The following JAKMIP2 variants were observed in gnomAD, a reference collection of about 807,000 sequenced individuals.
JAKMIP2 encodes the protein janus kinase and microtubule interacting protein 2.
In JAKMIP2, 25 loss-of-function variants were observed where a neutral mutation model predicts 115.0. That is an observed-to-expected ratio of 0.22 (90% confidence interval 0.16 to 0.30). The LOEUF is 0.30. JAKMIP2 is among the 10% of genes least tolerant of loss of function. JAKMIP2 has a pLI of 1.00. For missense variants in JAKMIP2, 642 were observed against 957.6 expected, an observed-to-expected ratio of 0.67 and a Z score of 4.35; for synonymous variants, 334 against 343.6, an observed-to-expected ratio of 0.97 and a Z score of 0.31.
rs139505130 is a variant in JAKMIP2 at position 147,734,327 on chromosome 5, A to T, written c.-149+48129T>A. On this transcript the variant is annotated intron_variant, in intron 1 of 21. Coordinates refer to ENST00000616793, the MANE Select transcript of JAKMIP2 (RefSeq NM_001270941.2). The stretch of plus-strand genomic sequence containing the variant: ...CCATGGAATGCTATGCAGCCATAAA[A>T]AATAATGAGTTCATGTCCTTCCCAG... Among the ~76,000 whole-genome samples, 374 of 152,250 alleles carry T rather than the reference A, an allele frequency of 2.5e-3. 1 individual carries two copies. Among genetic ancestry groups the T allele is most frequent in the African/African-American group, 8.6e-3 (359 of 41,536 alleles).
At chr5:147,623,573 G>T in intron 17 of JAKMIP2, 48 bp downstream of exon 17, 2 of 1,243,086 alleles carry the variant, frequency 1.6e-6, no homozygotes, top group Non-Finnish European at 1.2e-6. Flanking sequence ...TTTTCCATTT[G>T]CCTTGTAAGT....
chr5:147,623,779 C>A, intron 16 of JAKMIP2, 90 bp from the exon 17 acceptor site: 1 of 725,030 alleles, frequency 1.4e-6, no homozygotes, highest in Non-Finnish European at 2.4e-6. Flanking sequence ...GTCTCCTCCC[C>A]TTATATCTCA....
intron 8 of JAKMIP2, 141 bp downstream of exon 8, chr5:147,641,567 C>A (rs1368191862): frequency 3.5e-6 from 2 of 576,884 alleles, no homozygotes; most frequent in South Asian, 2.6e-5. Context: ...AAAATATTTT[C>A]TTCTAGCAAA....
At chr5:147,715,951 G>A (rs1441030682) in intron 1 of JAKMIP2, among the ~76,000 whole-genome samples, 59 of 137,264 alleles carry the variant, frequency 4.3e-4, no homozygotes, top group Non-Finnish European at 6.2e-5. Flanking sequence ...CCACTAACTC[G>A]TCATCTAGCA....
intron 1 of JAKMIP2, among the ~76,000 whole-genome samples, chr5:147,686,706 TC>T (rs1760590812): frequency 6.6e-6 from 1 of 152,202 alleles, no homozygotes; most frequent in Non-Finnish European, 1.5e-5. Context: ...GCATGAAGTG[TC>T]ACTTACCATT....
chr5:147,758,380 G>A (rs1057469502), intron 1 of JAKMIP2, among the ~76,000 whole-genome samples: 5 of 151,980 alleles, frequency 3.3e-5, no homozygotes, highest in Non-Finnish European at 7.4e-5. Context: ...AATACAAATC[G>A]AATGTTACAT....
intron 18 of JAKMIP2, 35 bp from the exon 19 acceptor site, chr5:147,618,149 A>G: frequency 6.6e-7 from 1 of 1,519,822 alleles, no homozygotes; most frequent in Non-Finnish European, 9.1e-7. Context: ...TAACTTTGGA[A>G]CTTGGCATTG....
In JAKMIP2 at chr5:147,612,302, C is replaced by G. The variant is rs1184594902; in HGVS notation, c.2412+4G>C. On this transcript the variant is annotated splice_donor_region_variant and intron_variant, in intron 20 of 21. Coordinates refer to ENST00000616793, the MANE Select transcript of JAKMIP2 (RefSeq NM_001270941.2). Reference sequence around the variant, plus strand: ...ATAAGATAGTTATTGAATTTGACACCTACCTTTTCTTCTAAGTCTTTTATT... The same window carrying G: ...ATAAGATAGTTATTGAATTTGACACGTACCTTTTCTTCTAAGTCTTTTATT... 1 of 1,515,558 alleles carries G rather than the reference C, an allele frequency of 6.6e-7. No individual in the cohort carries two copies. The allele number at this position is 1,515,558 out of a possible 1,614,324, so 93.9% of individuals were successfully genotyped here. A position where few individuals can be genotyped will look rare whatever the true frequency, so the allele number is the denominator to read the frequency against.
intron 1 of JAKMIP2, among the ~76,000 whole-genome samples, chr5:147,690,546 T>TAC (rs1199858161): frequency 5.6e-5 from 1 of 17,892 alleles, no homozygotes; most frequent in African/African-American, 4.6e-4. Flanking sequence ...AGATTATATA[T>TAC]ATATATATAT....
intron 2 of JAKMIP2, among the ~76,000 whole-genome samples, chr5:147,670,193 G>T (rs1759509749): frequency 6.6e-6 from 1 of 152,178 alleles, no homozygotes; most frequent in Admixed American, 6.5e-5. Context: ...AAGGCAGGGA[G>T]CAAGAGGCTT....
At chr5:147,730,114 G>A (rs1381552253) in intron 1 of JAKMIP2, among the ~76,000 whole-genome samples, 1 of 152,168 alleles carries the variant, frequency 6.6e-6, no homozygotes, top group African/African-American at 2.4e-5. Context: ...AATGGTCTCT[G>A]CAGAGTCTGG....
chr5:147,619,689 G>A (rs1756756198), intron 18 of JAKMIP2, among the ~76,000 whole-genome samples: 2 of 152,162 alleles, frequency 1.3e-5, no homozygotes, highest in African/African-American at 2.4e-5. Flanking sequence ...GAGGGGAATG[G>A]ATCACATGTG....
At chr5:147,676,126 G>C (rs1452689301) in intron 1 of JAKMIP2, among the ~76,000 whole-genome samples, 1 of 152,170 alleles carries the variant, frequency 6.6e-6, no homozygotes, top group Admixed American at 6.5e-5. Flanking sequence ...GAGGTCAGGA[G>C]ATCAAGACCA....
intron 5 of JAKMIP2, among the ~76,000 whole-genome samples, chr5:147,648,037 A>C: frequency 6.6e-6 from 1 of 152,218 alleles, no homozygotes; most frequent in East Asian, 1.9e-4. Flanking sequence ...AAGCAGAAGA[A>C]GTCAGACAAA....
intron 1 of JAKMIP2, among the ~76,000 whole-genome samples, chr5:147,756,857 C>T (rs1274774749): frequency 1.3e-5 from 2 of 152,044 alleles, no homozygotes; most frequent in Admixed American, 6.6e-5. Context: ...AGGTAAAGAA[C>T]AGAGGACATG....
chr5:147,608,084 C>T (rs900577505), intron 20 of JAKMIP2, among the ~76,000 whole-genome samples: 3 of 152,000 alleles, frequency 2.0e-5, no homozygotes, highest in African/African-American at 7.2e-5. Context: ...ATTAGTCTGG[C>T]TAGCGGTCTA....
chr5:147,610,539 G>T (rs1432289599), intron 20 of JAKMIP2, among the ~76,000 whole-genome samples: 1 of 152,216 alleles, frequency 6.6e-6, no homozygotes, highest in South Asian at 2.1e-4. Flanking sequence ...ATTGCTGCCT[G>T]CTCCTTCCTA....
At chr5:147,744,131 C>G in intron 1 of JAKMIP2, among the ~76,000 whole-genome samples, 1 of 151,580 alleles carries the variant, frequency 6.6e-6, no homozygotes, top group East Asian at 1.9e-4. Context: ...CAAAAAATAT[C>G]AAATAAATGA....
At chr5:147,736,222 A>G (rs1481742189) in intron 1 of JAKMIP2, among the ~76,000 whole-genome samples, 1 of 152,026 alleles carries the variant, frequency 6.6e-6, no homozygotes, top group Non-Finnish European at 1.5e-5. Context: ...TTGAGAGGCC[A>G]TGGCAGGTGG....
Sources: allele counts gnomAD v4.1 joint callset (sites outside exome capture counted in the v4.1 genomes callset), GRCh38; gene constraint gnomAD v4.1.1; transcripts MANE v1.5; gene names NCBI Gene and HGNC (gene_info 2026-07-23, HGNC 2026-07-21).